The following CYP7B1 variants were observed in gnomAD, a reference collection of about 807,000 sequenced individuals.
The protein encoded by CYP7B1 is cytochrome P450 7B1.
A neutral mutation model predicts 42.7 loss-of-function variants in CYP7B1; 29 were observed. The ratio of observed to expected loss-of-function variants is 0.68; its 90% CI spans 0.51 to 0.93. The LOEUF (loss-of-function observed/expected upper bound fraction) is 0.93, where lower values mean the gene tolerates loss of function less well. CYP7B1 is among the 40% of genes least tolerant of loss of function. The pLI, the probability that CYP7B1 is intolerant of heterozygous loss-of-function variation, is 0.00. For missense variants in CYP7B1, 655 were observed against 600.5 expected (o/e 1.09, Z -0.95); for synonymous variants, 235 against 218.2 (o/e 1.08, Z -0.68).
chr8:64,780,548 C>T (rs556213272), intron 1 of CYP7B1, among the ~76,000 whole-genome samples: 2 of 152,136 alleles, frequency 1.3e-5, no homozygotes, highest in African/African-American at 2.4e-5. Flanking sequence ...ATCCCAAATA[C>T]TTCTACATTG....
At chr8:64,751,724 G>A (rs1012412841) in intron 1 of CYP7B1, among the ~76,000 whole-genome samples, 1 of 152,128 alleles carries the variant, frequency 6.6e-6, no homozygotes, top group Admixed American at 6.5e-5. Flanking sequence ...GTATATGGGA[G>A]TGCTTACCCT....
intron 1 of CYP7B1, among the ~76,000 whole-genome samples, chr8:64,666,995 C>T (rs1256818321): frequency 1.3e-5 from 2 of 152,214 alleles, no homozygotes; most frequent in Non-Finnish European, 1.5e-5. Context: ...CCATACTTCT[C>T]ACTCAAATAA....
rs1428152826 is a variant in CYP7B1, at chr8:64,798,540, C to G, written c.48G>C (p.Arg16=). The G allele has an allele frequency of 2.0e-6, 3 of 1,497,860 alleles. No individual in the cohort carries two copies. The highest frequency in any genetic ancestry group is 4.7e-4 in the Middle Eastern group (2 of 4,254). The allele number at this position is 1,497,860 out of a possible 1,614,324, so 92.8% of individuals were successfully genotyped here. A position where few individuals can be genotyped will look rare whatever the true frequency, so the allele number is the denominator to read the frequency against. Residue 16 remains arginine (R), a synonymous_variant, in exon 1 of 6, where the codon CGG becomes CGC. Transcript: ENST00000310193. ...CGAGGGCCAGGCCCGGGAGGCCCAA[C>G]CGCTCCAGCGAAAAGCGGCCCGTGG... The part of the protein sequence containing the change: ...SAATGRFSLE[R]LGLPGLALAA...
downstream of CYP7B1, among the ~76,000 whole-genome samples, chr8:64,589,163 C>A (rs1001808584): frequency 6.6e-6 from 1 of 152,194 alleles, no homozygotes. Context: ...TATCCCTGCT[C>A]CTCTGTTGGA....
chr8:64,700,750 G>T (rs1336151039), intron 1 of CYP7B1, among the ~76,000 whole-genome samples: 1 of 152,054 alleles, frequency 6.6e-6, no homozygotes, highest in South Asian at 2.1e-4. Flanking sequence ...GCAGTGGGTG[G>T]TTAATGAAAT....
intron 1 of CYP7B1, among the ~76,000 whole-genome samples, chr8:64,776,214 T>C (rs1304039835): frequency 6.6e-6 from 1 of 152,158 alleles, no homozygotes; most frequent in Non-Finnish European, 1.5e-5. Flanking sequence ...GCAAAAAGTA[T>C]GCTCTGGACA....
At chr8:64,677,456 A>T (rs1806465185) in intron 1 of CYP7B1, among the ~76,000 whole-genome samples, 2 of 150,222 alleles carry the variant, frequency 1.3e-5, no homozygotes, top group Non-Finnish European at 3.0e-5. Flanking sequence ...AAAAAAAAAA[A>T]AAAAAAAATG....
At chr8:64,760,849 G>GTA (rs1807878677) in intron 1 of CYP7B1, among the ~76,000 whole-genome samples, 1 of 152,038 alleles carries the variant, frequency 6.6e-6, no homozygotes, top group African/African-American at 2.4e-5. Flanking sequence ...CCAATACTGT[G>GTA]TATATATCCA....
chr8:64,637,048 A>G (rs558653313), intron 1 of CYP7B1, among the ~76,000 whole-genome samples: 2 of 152,326 alleles, frequency 1.3e-5, no homozygotes, highest in South Asian at 2.1e-4. Flanking sequence ...TGGAAACTAA[A>G]TTATTACAGA....
chr8:64,752,290 G>C (rs116261602), intron 1 of CYP7B1, among the ~76,000 whole-genome samples: 31 of 151,914 alleles, frequency 2.0e-4, no homozygotes, highest in Admixed American at 1.4e-3. Flanking sequence ...ACTATATAAA[G>C]AAGTTTACTT....
intron 1 of CYP7B1, among the ~76,000 whole-genome samples, chr8:64,745,893 T>A (rs1490465304): frequency 6.6e-6 from 1 of 152,102 alleles, no homozygotes; most frequent in African/African-American, 2.4e-5. Flanking sequence ...ATCTAAAGCG[T>A]CCCTTTGCAA....
chr8:64,711,631 G>T (rs1439234440), intron 1 of CYP7B1, among the ~76,000 whole-genome samples: 3 of 152,210 alleles, frequency 2.0e-5, no homozygotes, highest in African/African-American at 7.2e-5. Context: ...CAGAAAGCTA[G>T]TTAAGTGGGG....
intron 1 of CYP7B1, among the ~76,000 whole-genome samples, chr8:64,709,645 G>C (rs1362428447): frequency 6.6e-6 from 1 of 152,126 alleles, no homozygotes; most frequent in African/African-American, 2.4e-5. Flanking sequence ...AGTTCTCAAA[G>C]GAAGTGAAAG....
Position 64,622,138 on chromosome 8 carries a change from A to C in CYP7B1, c.259+2265T>G, listed in dbSNP as rs10106666. On this transcript the variant is annotated intron_variant, in intron 2 of 5. Transcript: ENST00000310193. ...ATTAAAATACATTATTTGAATAATA[A>C]TGCATAAAATGCATTATTTGCATAA... Among the ~76,000 whole-genome samples the C allele has an allele frequency of 6.8e-3, 1,029 of 151,854 alleles. 10 individuals carry two copies. The highest frequency in any genetic ancestry group is 0.013 in the African/African-American group (522 of 41,234).
At chr8:64,716,463 T>G (rs1052427451) in intron 1 of CYP7B1, among the ~76,000 whole-genome samples, 1 of 152,020 alleles carries the variant, frequency 6.6e-6, no homozygotes, top group Non-Finnish European at 1.5e-5. Context: ...TCTCAGCACT[T>G]TGGGAGGCCG....
At chr8:64,638,060 G>C (rs1043254309) in intron 1 of CYP7B1, among the ~76,000 whole-genome samples, 1 of 151,602 alleles carries the variant, frequency 6.6e-6, no homozygotes, top group Admixed American at 6.6e-5. Context: ...AAAACTGCAT[G>C]TCATTCTTGA....
At chr8:64,647,022 A>C (rs1242396857) in intron 1 of CYP7B1, among the ~76,000 whole-genome samples, 3 of 152,152 alleles carry the variant, frequency 2.0e-5, no homozygotes, top group Non-Finnish European at 4.4e-5. Context: ...TCTCGCTTTT[A>C]ATTTAAAGTG....
chr8:64,746,022 T>C (rs1471881735), intron 1 of CYP7B1, among the ~76,000 whole-genome samples: 1 of 152,110 alleles, frequency 6.6e-6, no homozygotes. Context: ...TTTTAATCTA[T>C]TTGATATTAA....
intron 1 of CYP7B1, among the ~76,000 whole-genome samples, chr8:64,668,029 C>T (rs879733900): frequency 2.6e-5 from 4 of 152,168 alleles, no homozygotes; most frequent in Admixed American, 1.3e-4. Context: ...ATTCTTACAG[C>T]GTAGGAATAG....
Sources: allele counts gnomAD v4.1 joint callset (sites outside exome capture counted in the v4.1 genomes callset), GRCh38; gene constraint gnomAD v4.1.1; transcripts MANE v1.5; gene names NCBI Gene and HGNC (gene_info 2026-07-23, HGNC 2026-07-21).